Variants in MSI2 observed in about 807,000 individuals in gnomAD.
MSI2 encodes the protein RNA-binding protein Musashi homolog 2.
In MSI2, 17 loss-of-function variants were observed where a neutral mutation model predicts 45.6. That is an observed-to-expected ratio of 0.37 (90% CI 0.26 to 0.56). The LOEUF (loss-of-function observed/expected upper bound fraction) is 0.56, where lower values mean the gene tolerates loss of function less well. Ranked by LOEUF, MSI2 falls within the 20% of genes least tolerant of loss-of-function variation. MSI2 has a pLI of 0.77. For synonymous variants in MSI2, 156 were observed against 158.2 expected (o/e 0.99, Z 0.11); for missense variants, 293 against 444.2 (o/e 0.66, Z 3.06).
Position 57,450,461 on chromosome 17 carries a change from G to C in MSI2, c.405+48990G>C, listed in dbSNP as rs115951519. On this transcript the variant is annotated intron_variant, in intron 6 of 13. Transcript: ENST00000284073. ...GGAGGCCACAGCGGGCTGATCACTT[G>C]AGGCCAGGAGTTTGAGACCAGCCTG... Among the ~76,000 whole-genome samples the C allele has an allele frequency of 4.7e-3, 676 of 144,352 alleles. 8 individuals are homozygous for C. Among genetic ancestry groups the C allele is most frequent in the African/African-American group, 0.017 (641 of 38,006 alleles). 94.7% of individuals were successfully genotyped at this position (144,352 alleles called of 152,430 possible). A position where few individuals can be genotyped will look rare whatever the true frequency, so the allele number is the denominator to read the frequency against.
chr17:57,477,679 C>G (rs1728231951), intron 6 of MSI2, among the ~76,000 whole-genome samples: 1 of 152,130 alleles, frequency 6.6e-6, no homozygotes, highest in East Asian at 1.9e-4. Context: ...TAGACTAAGC[C>G]AGGGAGGGCC....
chr17:57,277,389 G>T (rs1197832246), intron 5 of MSI2, among the ~76,000 whole-genome samples: 1 of 152,154 alleles, frequency 6.6e-6, no homozygotes, highest in Non-Finnish European at 1.5e-5. Flanking sequence ...GGTTTGGGTC[G>T]TGAGGGAGTA....
intron 5 of MSI2, among the ~76,000 whole-genome samples, chr17:57,307,803 C>A (rs933768357): frequency 6.6e-6 from 1 of 152,216 alleles, no homozygotes; most frequent in Non-Finnish European, 1.5e-5. Context: ...AGATAAATTT[C>A]TCTCCCTCTT....
At chr17:57,575,746 C>G (rs2088021995) in intron 7 of MSI2, among the ~76,000 whole-genome samples, 1 of 151,684 alleles carries the variant, frequency 6.6e-6, no homozygotes, top group Non-Finnish European at 1.5e-5. Context: ...GAGATCGAGA[C>G]CATCCTGGCT....
At chr17:57,497,999 A>C (rs912376143) in intron 6 of MSI2, among the ~76,000 whole-genome samples, 9 of 152,214 alleles carry the variant, frequency 5.9e-5, no homozygotes, top group African/African-American at 2.2e-4. Flanking sequence ...AAAAGGGAAC[A>C]TGTGGGATTT....
chr17:57,523,120 T>C (rs2086627651), intron 6 of MSI2, among the ~76,000 whole-genome samples: 1 of 151,592 alleles, frequency 6.6e-6, no homozygotes, highest in Non-Finnish European at 1.5e-5. Flanking sequence ...TAATCTCAGC[T>C]CACTGCAACC....
At chr17:57,291,182 T>C (rs1220769264) in intron 5 of MSI2, among the ~76,000 whole-genome samples, 2 of 152,210 alleles carry the variant, frequency 1.3e-5, no homozygotes, top group African/African-American at 2.4e-5. Context: ...TGTGTGTGCA[T>C]GCGTGCAAAA....
chr17:57,350,341 A>C (rs1054222660), intron 5 of MSI2, among the ~76,000 whole-genome samples: 1 of 151,884 alleles, frequency 6.6e-6, no homozygotes, highest in East Asian at 1.9e-4. Context: ...GGTGCTCTGG[A>C]ATAGCCGTTG....
chr17:57,513,975 G>A (rs1194480417), intron 6 of MSI2, among the ~76,000 whole-genome samples: 1 of 152,166 alleles, frequency 6.6e-6, no homozygotes, highest in East Asian at 1.9e-4. Flanking sequence ...GGTAGAGGAG[G>A]ACCCTGAGAG....
intron 6 of MSI2, among the ~76,000 whole-genome samples, chr17:57,415,663 C>A (rs56338107): frequency 0.54 from 81,243 of 151,578 alleles, 22,608 homozygotes; most frequent in South Asian, 0.72. Context: ...TTCCCCCCAA[C>A]ATCCCGTGTT....
At chr17:57,412,780 T>C (rs11079297) in intron 6 of MSI2, among the ~76,000 whole-genome samples, 106,231 of 151,542 alleles carry the variant, frequency 0.7, 37,831 homozygotes, top group South Asian at 0.87. Context: ...TCATACCCCC[T>C]TGGCTGAGCA....
At chr17:57,661,803 T>C (rs1038564255) in intron 11 of MSI2, among the ~76,000 whole-genome samples, 1 of 152,226 alleles carries the variant, frequency 6.6e-6, no homozygotes, top group African/African-American at 2.4e-5. Flanking sequence ...CATTTCCCTC[T>C]GTCCTTGTCT....
chr17:57,654,176 A>G (rs1157278011), intron 11 of MSI2, among the ~76,000 whole-genome samples: 1 of 152,234 alleles, frequency 6.6e-6, no homozygotes, highest in Admixed American at 6.5e-5. Flanking sequence ...TGGAAGCTAC[A>G]GGGCAACCCT....
chr17:57,700,158 T>C, the MSI2 span, among the ~76,000 whole-genome samples: 4 of 152,212 alleles, frequency 2.6e-5, no homozygotes, highest in African/African-American at 4.8e-5. Context: ...GGCTTTTTGC[T>C]TCATTCCCAG....
rs1347053681 is a variant in MSI2 at position 57,310,188 on chromosome 17, T to C, written c.312+47996T>C. Among the ~76,000 whole-genome samples, 5 of 152,188 alleles carry C rather than the reference T, an allele frequency of 3.3e-5. No homozygotes were observed. In the East Asian group the frequency reaches 9.6e-4, roughly 29 times the overall value. Reference sequence around the variant, plus strand: ...CTGGACTGAGAATCACTGTGCTGCCTCCTGAGGAGCTGCTGCTGGAGTGGA... The same window carrying C: ...CTGGACTGAGAATCACTGTGCTGCCCCCTGAGGAGCTGCTGCTGGAGTGGA... On this transcript the variant is annotated intron_variant, in intron 5 of 13. Transcript: ENST00000284073.
Position 57,627,783 on chromosome 17 carries a change from T to A in MSI2, c.727+480T>A. On this transcript the variant is annotated intron_variant, in intron 10 of 13. Coordinates refer to ENST00000284073, the MANE Select transcript of MSI2 (RefSeq NM_138962.4). The surrounding 1 kb of genome is among the most constrained non-coding windows in gnomAD (Gnocchi z 4.6). ...CCTGACTGCTGTGGCTTCGGCGTCCTTCTGGGCTGTGTTGATGTTGAGCTG... is the reference window on the plus strand; with the variant it reads ...CCTGACTGCTGTGGCTTCGGCGTCCATCTGGGCTGTGTTGATGTTGAGCTG... 5.6e-6 allele frequency: 1 copy of A among 179,288 alleles called. No homozygotes were observed. The highest frequency in any genetic ancestry group is 1.2e-5 in the Non-Finnish European group (1 of 84,662). 11.1% of individuals were successfully genotyped at this position (179,288 alleles called of 1,614,324 possible).
intron 6 of MSI2, among the ~76,000 whole-genome samples, chr17:57,508,587 A>G (rs1366684862): frequency 6.6e-6 from 1 of 152,190 alleles, no homozygotes; most frequent in South Asian, 2.1e-4. Context: ...AAGCCATACC[A>G]TGGGACATAA....
At chr17:57,316,606 G>A (rs570073494) in intron 5 of MSI2, among the ~76,000 whole-genome samples, 162 of 152,296 alleles carry the variant, frequency 1.1e-3, no homozygotes, top group African/African-American at 3.6e-3. Context: ...GATTACAGGC[G>A]TGAGCCGCTG....
chr17:57,549,767 C>T (rs112394641), intron 7 of MSI2, among the ~76,000 whole-genome samples: 12 of 152,312 alleles, frequency 7.9e-5, no homozygotes, highest in East Asian at 3.9e-4. Context: ...TCCTGTTTGA[C>T]GATAGCTCCT....
Sources: gnomAD v4.1 joint callset for allele counts (sites outside exome capture counted in the v4.1 genomes callset) on GRCh38, gnomAD v4.1.1 for gene constraint, Gnocchi (gnomAD v3.1) non-coding constraint, MANE v1.5 for transcripts, NCBI Gene and HGNC (gene_info 2026-07-23, HGNC 2026-07-21) for gene names.